Variants in TMPRSS11B observed in about 807,000 individuals in gnomAD.
TMPRSS11B encodes the protein transmembrane protease serine 11B.
A neutral mutation model predicts 44.7 loss-of-function variants in TMPRSS11B; 53 were observed. The observed-to-expected ratio is 1.19, with a 90% CI of 0.95 to 1.49. The LOEUF (loss-of-function observed/expected upper bound fraction) is 1.49, where lower values mean the gene tolerates loss of function less well. Ranked by LOEUF, TMPRSS11B falls within the 40% of genes most tolerant of loss-of-function variation. The pLI is 0.00. For missense variants in TMPRSS11B, 526 were observed against 494.8 expected, an observed-to-expected ratio of 1.06 and a Z score of -0.60; for synonymous variants, 140 against 159.2, an observed-to-expected ratio of 0.88 and a Z score of 0.91.
rs893555061 is a variant in TMPRSS11B at position 68,238,599 on chromosome 4, C to T, written c.125-2333G>A. Among the ~76,000 whole-genome samples, 6 of 151,040 alleles carry T rather than the reference C, an allele frequency of 4.0e-5. No homozygotes were observed. The South Asian group carries it at 1.0e-3, about 26-fold the overall frequency. On this transcript the variant is annotated intron_variant, in intron 2 of 9. Transcript: ENST00000332644. ...AAAATTAGCCAGGAGTGTTGGCGAACGCTGGTAGTCCCAGCTACTTGAGAG... is the reference window on the plus strand; with the variant it reads ...AAAATTAGCCAGGAGTGTTGGCGAATGCTGGTAGTCCCAGCTACTTGAGAG...
chr4:68,234,704 T>A, intron 4 of TMPRSS11B, 81 bp from the exon 5 acceptor site: 1 of 1,410,698 alleles, frequency 7.1e-7, no homozygotes, highest in Non-Finnish European at 9.7e-7. Flanking sequence ...TCACACATTT[T>A]AATTATCACA....
intron 9 of TMPRSS11B, among the ~76,000 whole-genome samples, chr4:68,228,455 A>C (rs749721489): frequency 3.9e-5 from 6 of 152,216 alleles, no homozygotes; most frequent in Non-Finnish European, 7.3e-5. Flanking sequence ...CTAGGTCTGC[A>C]GGTTGCCCAG....
intron 1 of TMPRSS11B, among the ~76,000 whole-genome samples, chr4:68,243,476 A>C (rs1484869410): frequency 2.6e-5 from 4 of 152,062 alleles, no homozygotes; most frequent in African/African-American, 9.7e-5. Flanking sequence ...CTTGTTAATT[A>C]GTGTTTCGCA....
At chr4:68,229,620 A>G in intron 7 of TMPRSS11B, 104 bp from the exon 8 acceptor site, 13 of 982,674 alleles carry the variant, frequency 1.3e-5, no homozygotes, top group Non-Finnish European at 1.9e-5. Flanking sequence ...CCCAAACAAA[A>G]CTATAAACCA....
chr4:68,241,648 ATT>A (rs1410388244), intron 2 of TMPRSS11B, 39 bp downstream of exon 2: 17 of 1,269,550 alleles, frequency 1.3e-5, no homozygotes, highest in Non-Finnish European at 1.9e-5. Context: ...AAATTTAAAG[ATT>A]TATAGCAAGG....
intron 6 of TMPRSS11B, 164 bp downstream of exon 6, chr4:68,232,214 T>G (rs1327693950): frequency 6.5e-6 from 3 of 463,404 alleles, no homozygotes; most frequent in African/African-American, 2.0e-5. Context: ...AATAGACCAG[T>G]GTTTTTCAAA....
chr4:68,238,578 T>A (rs1440978711), intron 2 of TMPRSS11B, among the ~76,000 whole-genome samples: 2 of 149,260 alleles, frequency 1.3e-5, no homozygotes, highest in African/African-American at 2.5e-5. Flanking sequence ...AAAAAAAAAA[T>A]TAGCCAGGAG....
chr4:68,227,889 C>A lies in TMPRSS11B; in HGVS notation c.*22G>T. 2 of 1,579,520 alleles carry A rather than the reference C, an allele frequency of 1.3e-6. No homozygotes were observed. The highest frequency in any genetic ancestry group is 2.7e-5 in the African/African-American group (2 of 73,528). The stretch of plus-strand genomic sequence containing the variant: ...GATAGCCTACAGTGGTCTTTATGTT[C>A]CTTTGTATAATTCCTTTTTTTTCAG... On this transcript the variant is annotated 3_prime_UTR_variant, in exon 10 of 10. Transcript: ENST00000332644.
chr4:68,228,815 T>C lies in TMPRSS11B; in HGVS notation c.1016A>G (p.Tyr339Cys). 3 of 1,613,846 alleles carry C rather than the reference T, an allele frequency of 1.9e-6. No homozygotes were observed. The highest frequency in any genetic ancestry group is 2.5e-6 in the Non-Finnish European group (3 of 1,179,876). Reference sequence around the variant, plus strand: ...ATCAGTCACAAAGCCAGAGTATGCATATGAGGCATTGCAAATTTTGTTGTC... The same window carrying C: ...ATCAGTCACAAAGCCAGAGTATGCACATGAGGCATTGCAAATTTTGTTGTC... The part of the protein sequence containing the change: ...IIDNKICNAS[Y>C]AYSGFVTDTM... The change falls in exon 9 of 10, where the codon TAT becomes TGT. Residue 339 changes from tyrosine (Y) to cysteine (C), a missense_variant. Transcript: ENST00000332644.
At chr4:68,236,101 T>A (rs748239998) in intron 3 of TMPRSS11B, 32 bp from the exon 4 acceptor site, 29 of 1,569,932 alleles carry the variant, frequency 1.8e-5, no homozygotes, top group Non-Finnish European at 2.5e-5. Flanking sequence ...TCATCATGTA[T>A]GTTTCAATCA....
At chr4:68,243,739 G>C (rs1719929384) in intron 1 of TMPRSS11B, among the ~76,000 whole-genome samples, 1 of 152,122 alleles carries the variant, frequency 6.6e-6, no homozygotes, top group Non-Finnish European at 1.5e-5. Context: ...TAACAGTCTG[G>C]TAGCTTGGGC....
At chr4:68,238,207 T>A (rs1435772932) in intron 2 of TMPRSS11B, among the ~76,000 whole-genome samples, 1 of 152,130 alleles carries the variant, frequency 6.6e-6, no homozygotes, top group Non-Finnish European at 1.5e-5. Flanking sequence ...TTAGAAATAA[T>A]TTTAAAATAA....
chr4:68,234,709 A>T (rs1161447393), intron 4 of TMPRSS11B, 86 bp from the exon 5 acceptor site: 1 of 1,390,214 alleles, frequency 7.2e-7, no homozygotes, highest in East Asian at 2.4e-5. Context: ...CATTTTAATT[A>T]TCACATTTTC....
intron 6 of TMPRSS11B, chr4:68,232,149 T>G (rs1418722795): frequency 3.3e-6 from 1 of 305,602 alleles, no homozygotes; most frequent in Non-Finnish European, 6.0e-6. Flanking sequence ...AGTTTTATTA[T>G]TTGGAATCAA....
chr4:68,242,329 T>TATGTAATA (rs1461152098), intron 1 of TMPRSS11B, among the ~76,000 whole-genome samples: 165 of 9,058 alleles, frequency 0.018, 3 homozygotes, highest in African/African-American at 0.037. Flanking sequence ...ATATATAATA[T>TATGTAATA]TATATTATAT....
At chr4:68,239,225 GAGAA>G (rs1358680977) in intron 2 of TMPRSS11B, among the ~76,000 whole-genome samples, 6 of 152,138 alleles carry the variant, frequency 3.9e-5, no homozygotes, top group Admixed American at 6.5e-5. Flanking sequence ...CTCCTTATAA[GAGAA>G]AGAGAGACCA....
rs1401092396 is a variant in TMPRSS11B at position 68,232,124 on chromosome 4, A to G, written c.508+254T>C. ...TCTCATTTTAACATATTCAAATATG[A>G]TATTTTTCACTCACAGTTTTATTAT... On this transcript the variant is annotated intron_variant, in intron 6 of 9. Transcript: ENST00000332644. 3.3e-5 allele frequency: 9 copies of G among 268,896 alleles called. 1 individual carries two copies. In the East Asian group the frequency reaches 6.3e-4, roughly 19 times the overall value. 16.7% of individuals were successfully genotyped at this position (268,896 alleles called of 1,614,324 possible).
chr4:68,233,447 T>C (rs536574594), intron 5 of TMPRSS11B, among the ~76,000 whole-genome samples: 1 of 152,218 alleles, frequency 6.6e-6, no homozygotes, highest in East Asian at 1.9e-4. Flanking sequence ...TCAAGACCTT[T>C]GCAAAACCTT....
In TMPRSS11B at chr4:68,227,996, T is replaced by C. The variant is rs750267619; in HGVS notation, c.1166A>G (p.Asp389Gly). Residue 389 changes from aspartate to glycine, a missense_variant, in exon 10 of 10, where the codon GAT becomes GGT. Physicochemically the swap from Asp to Gly is moderately conservative, Grantham distance 94. Coordinates refer to ENST00000332644, the MANE Select transcript of TMPRSS11B (RefSeq NM_182502.3). ...TGGCTTATTCTTTTTACCACATCCA[T>C]CACCCCAGCTTACTATTCCAACAAG... ...WHLVGIVSWG[D>G]GCGKKNKPGV... 8.7e-6 allele frequency: 14 copies of C among 1,613,822 alleles called. No homozygotes were observed. The Admixed American group carries it at 2.3e-4, about 27-fold the overall frequency.
Sources: allele counts gnomAD v4.1 joint callset (sites outside exome capture counted in the v4.1 genomes callset), GRCh38; gene constraint gnomAD v4.1.1; transcripts MANE v1.5; gene names NCBI Gene and HGNC (gene_info 2026-07-23, HGNC 2026-07-21).